The following TBC1D8 variants were observed in gnomAD, a reference collection of about 807,000 sequenced individuals.
TBC1D8 encodes the protein BUB2-like protein 1.
TBC1D8 carries 65 observed loss-of-function variants against 118.8 expected under a neutral mutation model. The observed-to-expected ratio is 0.55, with a 90% confidence interval of 0.45 to 0.67. The LOEUF (loss-of-function observed/expected upper bound fraction) is 0.67, where lower values mean the gene tolerates loss of function less well. Ranked by LOEUF, TBC1D8 falls within the 30% of genes least tolerant of loss-of-function variation. The pLI, the probability that TBC1D8 is intolerant of heterozygous loss-of-function variation, is 0.00. For missense variants in TBC1D8, 1,376 were observed against 1,471.2 expected, an observed-to-expected ratio of 0.94 and a Z score of 1.06; for synonymous variants, 566 against 595.8, an observed-to-expected ratio of 0.95 and a Z score of 0.73.
rs548321911 is a variant in TBC1D8 at position 101,132,683 on chromosome 2, G to A, written c.127+18444C>T. Among the ~76,000 whole-genome samples, 22 of 152,150 alleles carry A rather than the reference G, an allele frequency of 1.4e-4. No homozygotes were observed. In the South Asian group the frequency reaches 2.1e-3, roughly 14 times the overall value. Reference sequence around the variant, plus strand: ...AGTTCACTGCAGCCTCGACCTCTTCGGCTCAAGCAATCTTCCCGCCTTGGC... The same window carrying A: ...AGTTCACTGCAGCCTCGACCTCTTCAGCTCAAGCAATCTTCCCGCCTTGGC... On this transcript the variant is annotated intron_variant, in intron 1 of 19. Transcript: ENST00000409318.
rs59252843 is a variant in TBC1D8, at chr2:101,030,987, G to T, written c.1937-1211C>A. Among the ~76,000 whole-genome samples, 33 of 152,314 alleles carry T rather than the reference G, an allele frequency of 2.2e-4. No homozygotes were observed. In the South Asian group the frequency reaches 3.5e-3, roughly 16 times the overall value. On this transcript the variant is annotated intron_variant, in intron 11 of 19. Transcript: ENST00000409318. ...ACCAGGTGTTGCCCATGGCAGGAAG[G>T]GGGCAGAAGAGAACTTGCTGGGGTG...
intron 17 of TBC1D8, among the ~76,000 whole-genome samples, chr2:101,011,993 T>TA (rs1679251648): frequency 6.6e-6 from 1 of 152,180 alleles, no homozygotes; most frequent in African/African-American, 2.4e-5. Context: ...CTGCTGTACT[T>TA]ACACGATTTC....
intron 12 of TBC1D8, chr2:101,028,683 T>G: frequency 4.8e-6 from 2 of 417,744 alleles, no homozygotes; most frequent in African/African-American, 2.0e-5. Context: ...ATTCTGCGCA[T>G]ACATGCAAGG....
chr2:101,085,936 T>C (rs1210881978), intron 2 of TBC1D8, among the ~76,000 whole-genome samples: 1 of 152,002 alleles, frequency 6.6e-6, no homozygotes, highest in Admixed American at 6.6e-5. Context: ...GGTCAGGAGA[T>C]TGAGACCATC....
chr2:101,066,944 CAA>C (rs543680787), intron 2 of TBC1D8, among the ~76,000 whole-genome samples: 21,240 of 113,910 alleles, frequency 0.19, 1,612 homozygotes, highest in African/African-American at 0.28. Context: ...GAGAGTATCC[CAA>C]AAAAAAAAAA....
chr2:101,134,193 TCTCTCACACACACACACACACACACACA>T (rs1347370880), intron 1 of TBC1D8, among the ~76,000 whole-genome samples: 2 of 122,292 alleles, frequency 1.6e-5, no homozygotes, highest in Non-Finnish European at 3.3e-5. Flanking sequence ...TCTCTCTCTC[TCTCTCACACACACACACACACACACACA>T]CACACACACA....
intron 1 of TBC1D8, among the ~76,000 whole-genome samples, chr2:101,141,815 A>G (rs565566891): frequency 1.3e-5 from 2 of 151,746 alleles, no homozygotes. Flanking sequence ...ACACACACAC[A>G]CACACACACA....
At chr2:101,036,937 C>A (rs1391165466) in intron 8 of TBC1D8, among the ~76,000 whole-genome samples, 1 of 152,182 alleles carries the variant, frequency 6.6e-6, no homozygotes, top group Non-Finnish European at 1.5e-5. Flanking sequence ...TTTACAGGAG[C>A]CATTAAAGCG....
intron 6 of TBC1D8, 61 bp from the exon 7 acceptor site, chr2:101,038,716 T>C (rs761731314): frequency 4.3e-5 from 68 of 1,568,996 alleles, no homozygotes; most frequent in Non-Finnish European, 5.8e-5. Context: ...TGTTATTACA[T>C]ATGCAGAAGA....
Position 101,008,399 on chromosome 2 carries a change from G to A in TBC1D8, c.3016-126C>T, listed in dbSNP as rs1319281818. ...TTTGAAGACACAGAATATAAGAAAA[G>A]GTAGTCTCTGCCTTTCCACTCTAAA... On this transcript the variant is annotated intron_variant, in intron 19 of 19. Transcript: ENST00000409318. 8 of 769,082 alleles carry A rather than the reference G, an allele frequency of 1.0e-5. No homozygotes were observed. The East Asian group carries it at 1.7e-4, about 16-fold the overall frequency. 47.6% of individuals were successfully genotyped at this position (769,082 alleles called of 1,614,324 possible).
Position 101,022,490 on chromosome 2 carries a change from T to A in TBC1D8, c.2552A>T (p.Gln851Leu). The change falls in exon 16 of 20, where the codon CAG becomes CTG. Residue 851 changes from glutamine to leucine, a missense_variant. By Grantham distance (113) the Gln-to-Leu change is moderately radical (BLOSUM62 -2). Coordinates refer to ENST00000409318, the MANE Select transcript of TBC1D8 (RefSeq NM_001330348.2). ...GTGGCGTGAGGCCATGGGCCTGGGC[T>A]GCTCCCAGTAACAGCTCATCATATG... The part of the protein sequence containing the change: ...REHMMSCYWE[Q>L]PRPMASRHDP... 1 of 1,601,258 alleles carries A rather than the reference T, an allele frequency of 6.2e-7. No homozygotes were observed. Among genetic ancestry groups the A allele is most frequent in the Non-Finnish European group, 8.5e-7 (1 of 1,176,490 alleles).
intron 6 of TBC1D8, among the ~76,000 whole-genome samples, chr2:101,039,289 A>C (rs754296320): frequency 6.6e-6 from 1 of 152,220 alleles, no homozygotes; most frequent in African/African-American, 2.4e-5. Context: ...TGCTCCACTA[A>C]TAAGTAAAAA....
intron 1 of TBC1D8, among the ~76,000 whole-genome samples, chr2:101,116,121 A>T (rs1332592675): frequency 6.6e-6 from 1 of 152,168 alleles, no homozygotes; most frequent in African/African-American, 2.4e-5. Context: ...CCCCTCAACA[A>T]ATCAAACCAA....
At chr2:101,126,071 G>A (rs1346506271) in intron 1 of TBC1D8, among the ~76,000 whole-genome samples, 1 of 152,124 alleles carries the variant, frequency 6.6e-6, no homozygotes, top group Non-Finnish European at 1.5e-5. Context: ...AAGAAGCATG[G>A]CACCAGTATC....
chr2:101,007,878 G>A lies in TBC1D8; in HGVS notation c.3411C>T (p.Leu1137=), dbSNP rs113291929. 2 of 1,613,608 alleles carry A rather than the reference G, an allele frequency of 1.2e-6. No homozygotes were observed. The highest frequency in any genetic ancestry group is 1.7e-6 in the Non-Finnish European group (2 of 1,179,894). The change falls in exon 20 of 20, where the codon CTC becomes CTT. Residue 1137 remains leucine (L), a synonymous_variant. Coordinates refer to ENST00000409318, the MANE Select transcript of TBC1D8 (RefSeq NM_001330348.2). ...ATTGGTGGCTCATTTCAAAAGTTTT[G>A]AGATTGTACTGATTGATCTTGGCAT... ...LENAKINQYN[L]KTFEMSHQSQ...
chr2:101,127,196 C>A (rs1229101374), intron 1 of TBC1D8, among the ~76,000 whole-genome samples: 2 of 152,004 alleles, frequency 1.3e-5, no homozygotes, highest in African/African-American at 4.8e-5. Context: ...ATTAGCCAGG[C>A]GTGGTGGCAG....
intron 1 of TBC1D8, among the ~76,000 whole-genome samples, chr2:101,091,473 C>T (rs150453457): frequency 6.6e-6 from 1 of 152,218 alleles, no homozygotes; most frequent in East Asian, 1.9e-4. Flanking sequence ...TGCCTGTAAT[C>T]CCAGCACTTT....
intron 3 of TBC1D8, among the ~76,000 whole-genome samples, chr2:101,057,057 G>A (rs62155477): frequency 0.1 from 15,244 of 152,218 alleles, 953 homozygotes; most frequent in Non-Finnish European, 0.13. Flanking sequence ...GCTTCAAAGT[G>A]TCAGGGACTA....
intron 2 of TBC1D8, among the ~76,000 whole-genome samples, chr2:101,087,071 A>G (rs867516179): frequency 1.1e-4 from 17 of 151,944 alleles, no homozygotes; most frequent in African/African-American, 4.1e-4. Context: ...GGAGTGAGCC[A>G]CCGCGCCCGG....
Sources: allele counts gnomAD v4.1 joint callset (sites outside exome capture counted in the v4.1 genomes callset), GRCh38; gene constraint gnomAD v4.1.1; transcripts MANE v1.5; gene names NCBI Gene and HGNC (gene_info 2026-07-23, HGNC 2026-07-21).